The following FOXJ3 variants were observed in gnomAD, a reference collection of about 807,000 sequenced individuals.
FOXJ3 encodes forkhead box protein J3.
Under a neutral mutation model 76.1 loss-of-function variants are expected in FOXJ3, and 22 were observed. That is an observed-to-expected ratio of 0.29 (90% confidence interval 0.21 to 0.41). The LOEUF (loss-of-function observed/expected upper bound fraction) is 0.41, where lower values mean the gene tolerates loss of function less well. Among genes scored for constraint, FOXJ3 ranks in the 10% least tolerant of loss-of-function variants. The pLI, the probability that FOXJ3 is intolerant of heterozygous loss-of-function variation, is 1.00. For missense variants in FOXJ3, 613 were observed against 762.1 expected (o/e 0.80, Z 2.30); for synonymous variants, 269 against 261.2 (o/e 1.03, Z -0.29).
chr1:42,303,185 G>A (rs1654262613), intron 2 of FOXJ3, among the ~76,000 whole-genome samples: 1 of 152,136 alleles, frequency 6.6e-6, no homozygotes, highest in African/African-American at 2.4e-5. Flanking sequence ...TAAAGCATGG[G>A]CACTGGATAA....
intron 4 of FOXJ3, chr1:42,264,838 C>T: frequency 2.9e-6 from 1 of 346,950 alleles, no homozygotes; most frequent in Non-Finnish European, 5.2e-6. Flanking sequence ...ATTATGGTTC[C>T]TGACAAGCAG....
Position 42,194,998 on chromosome 1 carries a change from G to C in FOXJ3, c.826C>G (p.Pro276Ala), listed in dbSNP as rs1032377326. The C allele has an allele frequency of 2.5e-6, 4 of 1,613,328 alleles. No homozygotes were observed. The highest frequency in any genetic ancestry group is 3.4e-6 in the Non-Finnish European group (4 of 1,179,600). Residue 276 changes from proline to alanine, a missense_variant, in exon 8 of 13, where the codon CCA becomes GCA. Physicochemically the swap from Pro to Ala is conservative, Grantham distance 27. This residue lies in a region of FOXJ3 where 526 missense variants were observed against 601.4 expected (regional missense o/e 0.87). Coordinates refer to ENST00000361346, the MANE Select transcript of FOXJ3 (RefSeq NM_014947.5). The stretch of plus-strand genomic sequence containing the variant: ...AAAAGTAGTTGCTTGTCTCTTTCTG[G>C]AAGGTTGTACTGTGGTTGCTGCTGA... Reference protein sequence around the residue: ...TPQQQPQYNLPERDKQLLFSE... With the variant: ...TPQQQPQYNLAERDKQLLFSE...
intron 1 of FOXJ3, among the ~76,000 whole-genome samples, chr1:42,314,859 G>A (rs1011677733): frequency 6.6e-6 from 1 of 152,098 alleles, no homozygotes; most frequent in Non-Finnish European, 1.5e-5. Flanking sequence ...GCACACAAAT[G>A]ATCATTTGCA....
chr1:42,205,055 C>CATA (rs2124316336), intron 6 of FOXJ3, among the ~76,000 whole-genome samples: 1 of 152,174 alleles, frequency 6.6e-6, no homozygotes, highest in East Asian at 1.9e-4. Context: ...AGAATCTAAG[C>CATA]ATAAGTGTGA....
At chr1:42,329,484 T>C (rs1656029036) in intron 1 of FOXJ3, among the ~76,000 whole-genome samples, 1 of 151,962 alleles carries the variant, frequency 6.6e-6, no homozygotes, top group Non-Finnish European at 1.5e-5. Context: ...GTGGAAGAGG[T>C]AAAGAATAAC....
rs148425855 is a variant in FOXJ3 at position 42,292,613 on chromosome 1, A to G, written c.45-13941T>C. Reference sequence around the variant, plus strand: ...ATGCAAATATATAATAAGGAACAGAAAAGCAGATCAGTAGATACCTTGCAG... The same window carrying G: ...ATGCAAATATATAATAAGGAACAGAGAAGCAGATCAGTAGATACCTTGCAG... On this transcript the variant is annotated intron_variant, in intron 2 of 12. Transcript: ENST00000361346. Among the ~76,000 whole-genome samples, 261 of 152,362 alleles carry G rather than the reference A, an allele frequency of 1.7e-3. 1 individual carries two copies. The highest frequency in any genetic ancestry group is 5.8e-3 in the African/African-American group (242 of 41,584).
chr1:42,197,710 G>A (rs140050769), intron 7 of FOXJ3, among the ~76,000 whole-genome samples: 3 of 150,922 alleles, frequency 2.0e-5, no homozygotes, highest in East Asian at 1.9e-4. Context: ...TAACAGTCTC[G>A]CTCTATCGCC....
intron 4 of FOXJ3, among the ~76,000 whole-genome samples, 189 bp from the exon 5 acceptor site, chr1:42,228,155 A>G (rs1038839388): frequency 6.6e-6 from 1 of 152,220 alleles, no homozygotes; most frequent in Admixed American, 6.5e-5. Flanking sequence ...TTACATTATT[A>G]AAAGAAAACT....
rs557485814 is a variant in FOXJ3 at position 42,197,329 on chromosome 1, A to G, written c.759+1773T>C. Among the ~76,000 whole-genome samples the G allele has an allele frequency of 3.3e-5, 5 of 152,056 alleles. No individual in the cohort carries two copies. In the South Asian group the frequency reaches 1.0e-3, roughly 32 times the overall value. On this transcript the variant is annotated intron_variant, in intron 7 of 12. Transcript: ENST00000361346. ...AGACCAGTTTGGCCCACTTAGCAAGATCTTGTGTCTAAAAAAAGAGAGAAA... is the reference window on the plus strand; with the variant it reads ...AGACCAGTTTGGCCCACTTAGCAAGGTCTTGTGTCTAAAAAAAGAGAGAAA...
At position 42,253,835 on chromosome 1, in the gene FOXJ3, T is replaced by C. The variant is rs1385939780; in HGVS notation, c.444+11280A>G. On this transcript the variant is annotated intron_variant, in intron 4 of 12. Coordinates refer to ENST00000361346, the MANE Select transcript of FOXJ3 (RefSeq NM_014947.5). ...ATTCCAGATGGATTAAAGACTTATA[T>C]GTTAGACCTAAAACCATAAAAACCC... Among the ~76,000 whole-genome samples the C allele has an allele frequency of 2.0e-5, 3 of 152,060 alleles. No individual in the cohort carries two copies. In the East Asian group the frequency reaches 5.8e-4, roughly 29 times the overall value.
chr1:42,195,433 A>G (rs1349762336), intron 7 of FOXJ3, among the ~76,000 whole-genome samples: 2 of 152,226 alleles, frequency 1.3e-5, no homozygotes, highest in Non-Finnish European at 2.9e-5. Flanking sequence ...AACTCCACTA[A>G]GCCATAAAAC....
In FOXJ3 at chr1:42,280,438, TAAAAAAAAAAAA is replaced by T. The variant is rs71065112; in HGVS notation, c.45-1778_45-1767del. Reference sequence around the variant, plus strand: ...ATCCATATAGCATCTTCAGAGATCTTAAAAAAAAAAAAAAAAAAAAAAAAAAAACTTACTATC... The same window carrying T: ...ATCCATATAGCATCTTCAGAGATCTTAAAAAAAAAAAAAAAACTTACTATC... On this transcript the variant is annotated intron_variant, in intron 2 of 12. Coordinates refer to ENST00000361346, the MANE Select transcript of FOXJ3 (RefSeq NM_014947.5). The T allele has an allele frequency of 3.9e-3, 305 of 77,578 alleles. 3 individuals are homozygous for T. The highest frequency in any genetic ancestry group is 0.012 in the African/African-American group (166 of 14,276). 4.8% of individuals were successfully genotyped at this position (77,578 alleles called of 1,614,324 possible).
intron 4 of FOXJ3, among the ~76,000 whole-genome samples, chr1:42,237,820 C>T (rs1467246515): frequency 6.6e-6 from 1 of 151,350 alleles, no homozygotes; most frequent in Non-Finnish European, 1.5e-5. Context: ...TGATAAGGAG[C>T]AATATTAATT....
chr1:42,245,419 C>T (rs768680387), intron 4 of FOXJ3, among the ~76,000 whole-genome samples: 2 of 152,104 alleles, frequency 1.3e-5, no homozygotes, highest in Non-Finnish European at 2.9e-5. Flanking sequence ...CAAATATCCT[C>T]AACAAAATAT....
intron 8 of FOXJ3, among the ~76,000 whole-genome samples, chr1:42,192,777 CAAGAT>C (rs1646576373): frequency 6.7e-6 from 1 of 148,580 alleles, no homozygotes; most frequent in Non-Finnish European, 1.5e-5. Context: ...AAAAAAAACA[CAAGAT>C]AATATCAATC....
intron 4 of FOXJ3, among the ~76,000 whole-genome samples, chr1:42,254,761 C>CAATGAG (rs1256313471): frequency 6.9e-6 from 1 of 145,332 alleles, no homozygotes; most frequent in Admixed American, 7.1e-5. Context: ...GGGAATTGAG[C>CAATGAG]AATGAGAGCA....
intron 1 of FOXJ3, among the ~76,000 whole-genome samples, chr1:42,314,720 G>A (rs941803632): frequency 2.0e-5 from 3 of 152,156 alleles, no homozygotes; most frequent in Admixed American, 1.3e-4. Context: ...CCTAAGTCAC[G>A]TTCTACAATA....
intron 2 of FOXJ3, among the ~76,000 whole-genome samples, chr1:42,279,529 CA>C (rs1406544507): frequency 6.6e-6 from 1 of 152,102 alleles, no homozygotes; most frequent in East Asian, 1.9e-4. Context: ...TATTTCTCTC[CA>C]AAGCTGAAAA....
At chr1:42,182,090 A>T (rs1646336566) in intron 11 of FOXJ3, 66 bp from the exon 12 acceptor site, 1 of 848,036 alleles carries the variant, frequency 1.2e-6, no homozygotes, top group Admixed American at 2.4e-5. Flanking sequence ...GGAGCACTAA[A>T]ATCTTAACAG....
Sources: gnomAD v4.1 joint callset for allele counts (sites outside exome capture counted in the v4.1 genomes callset) on GRCh38, gnomAD v4.1.1 for gene constraint, gnomAD v4.1.1 regional missense constraint, MANE v1.5 for transcripts, NCBI Gene and HGNC (gene_info 2026-07-23, HGNC 2026-07-21) for gene names.